Variants in TENM3 observed in about 807,000 individuals in gnomAD.
TENM3 encodes the protein teneurin transmembrane protein 3.
TENM3 carries 63 observed loss-of-function variants against 255.1 expected under a neutral mutation model. The ratio of observed to expected loss-of-function variants is 0.25; its 90% CI spans 0.20 to 0.30. The LOEUF (loss-of-function observed/expected upper bound fraction) is 0.30. Ranked by LOEUF, TENM3 falls within the 10% of genes least tolerant of loss-of-function variation. The probability of loss-of-function intolerance (pLI) is 1.00; values close to 1 mark genes in which losing one functional copy is unlikely to be tolerated. For synonymous variants in TENM3, 1,306 were observed against 1,322.3 expected (o/e 0.99, Z 0.27); for missense variants, 2,929 against 3,461.1 (o/e 0.85, Z 3.86).
chr4:181,625,105 C>T, the TENM3 span, among the ~76,000 whole-genome samples: 7 of 152,124 alleles, frequency 4.6e-5, no homozygotes, highest in Admixed American at 1.3e-4. Context: ...TCAAGGGTAG[C>T]GGAAATAGAC....
At chr4:181,804,702 T>C in the TENM3 span, among the ~76,000 whole-genome samples, 1 of 152,014 alleles carries the variant, frequency 6.6e-6, no homozygotes, top group Non-Finnish European at 1.5e-5. Context: ...AACTAAAACT[T>C]TGGGGCAAAA....
chr4:182,280,234 C>T (rs1346734347), intron 1 of TENM3, among the ~76,000 whole-genome samples: 2 of 152,160 alleles, frequency 1.3e-5, no homozygotes, highest in South Asian at 2.1e-4. Context: ...GTTTCCCCCA[C>T]GGGGTCTTGC....
intron 24 of TENM3, among the ~76,000 whole-genome samples, chr4:182,780,230 G>T (rs931781541): frequency 1.3e-5 from 2 of 148,984 alleles, no homozygotes; most frequent in Non-Finnish European, 3.0e-5. Context: ...ATTGATTTTT[G>T]TATAAGGTGT....
chr4:182,235,438 C>T (rs1756835551), intron 1 of TENM3, among the ~76,000 whole-genome samples: 1 of 152,184 alleles, frequency 6.6e-6, no homozygotes, highest in African/African-American at 2.4e-5. Flanking sequence ...TTAGTAAAGA[C>T]AGATGTTGTC....
At chr4:182,448,008 A>T (rs539239891) in intron 3 of TENM3, among the ~76,000 whole-genome samples, 2 of 152,366 alleles carry the variant, frequency 1.3e-5, no homozygotes, top group East Asian at 3.9e-4. Context: ...TGTTTTATTT[A>T]AAAGTAAAGC....
intron 4 of TENM3, among the ~76,000 whole-genome samples, chr4:182,607,213 C>T (rs1000111025): frequency 2.0e-5 from 3 of 152,152 alleles, no homozygotes; most frequent in Admixed American, 1.3e-4. Flanking sequence ...TACCTTTCAT[C>T]ATAAAGTAGC....
chr4:182,451,225 T>A (rs899909132), intron 3 of TENM3, among the ~76,000 whole-genome samples: 6 of 152,218 alleles, frequency 3.9e-5, no homozygotes, highest in Admixed American at 6.5e-5. Flanking sequence ...ATACTAAATT[T>A]TGGCTGTTGC....
chr4:182,755,003 A>G lies in TENM3; in HGVS notation c.4636A>G (p.Ser1546Gly). The change falls in exon 22 of 28, where the codon AGC becomes GGC. Residue 1546 changes from serine to glycine, a missense_variant. Ser to Gly is a moderately conservative substitution (Grantham distance 56). This residue lies in a region of TENM3 where 1,608 missense variants were observed against 1,884.4 expected (regional missense o/e 0.85). Coordinates refer to ENST00000511685, the MANE Select transcript of TENM3 (RefSeq NM_001080477.4). ...CACTGGTGATTACCTTTACAATTTT[A>G]GCTACAGCAATGACAATGATATTAC... ...LVTGDYLYNFSYSNDNDITAV... is the reference protein window; with the variant it reads ...LVTGDYLYNFGYSNDNDITAV... The G allele has an allele frequency of 6.2e-7, 1 of 1,614,032 alleles. No homozygotes were observed. The highest frequency in any genetic ancestry group is 8.5e-7 in the Non-Finnish European group (1 of 1,179,880).
chr4:181,462,481 C>T, the TENM3 span, among the ~76,000 whole-genome samples: 19 of 152,132 alleles, frequency 1.2e-4, no homozygotes, highest in African/African-American at 4.3e-4. Context: ...AATCTTAGTA[C>T]TCACTTCTTT....
At chr4:182,320,465 C>G (rs1046531470) in intron 1 of TENM3, among the ~76,000 whole-genome samples, 2 of 152,176 alleles carry the variant, frequency 1.3e-5, no homozygotes, top group African/African-American at 4.8e-5. Context: ...CTGTCTTCTC[C>G]TGGCCTTCTT....
intron 1 of TENM3, among the ~76,000 whole-genome samples, chr4:182,189,295 A>C (rs1308520690): frequency 1.3e-5 from 2 of 152,094 alleles, no homozygotes. Flanking sequence ...ATGATTGCTC[A>C]AATGTCACCA....
chr4:181,852,444 T>C, the TENM3 span, among the ~76,000 whole-genome samples: 3 of 152,214 alleles, frequency 2.0e-5, no homozygotes, highest in Non-Finnish European at 4.4e-5. Flanking sequence ...GGCTCACTTT[T>C]CCTATTTAAA....
chr4:182,091,390 G>T, the TENM3 span, among the ~76,000 whole-genome samples: 17 of 152,204 alleles, frequency 1.1e-4, 1 homozygote, highest in Admixed American at 6.5e-4. Context: ...AAATATCAGC[G>T]ATCACTGGAA....
At chr4:182,304,094 T>G (rs549342138) in intron 1 of TENM3, among the ~76,000 whole-genome samples, 35 of 151,846 alleles carry the variant, frequency 2.3e-4, no homozygotes, top group Non-Finnish European at 4.3e-4. Flanking sequence ...TAAAATAGAC[T>G]ATGAAGACTA....
chr4:181,813,043 G>A, the TENM3 span, among the ~76,000 whole-genome samples: 14 of 152,212 alleles, frequency 9.2e-5, no homozygotes, highest in Non-Finnish European at 5.9e-5. Context: ...AAATAGACTG[G>A]GTGGCTTACA....
the TENM3 span, among the ~76,000 whole-genome samples, chr4:181,607,903 T>G: frequency 1.1e-4 from 17 of 152,240 alleles, no homozygotes; most frequent in African/African-American, 3.6e-4. Context: ...TCAGGAATTT[T>G]CAAAGCCTTA....
chr4:181,731,318 T>C, the TENM3 span, among the ~76,000 whole-genome samples: 2 of 152,170 alleles, frequency 1.3e-5, no homozygotes, highest in Non-Finnish European at 2.9e-5. Flanking sequence ...TGCATGAGTA[T>C]ATTTTATAAA....
At chr4:182,168,555 C>A (rs1004779538) in intron 1 of TENM3, among the ~76,000 whole-genome samples, 5 of 152,200 alleles carry the variant, frequency 3.3e-5, no homozygotes, top group Admixed American at 6.5e-5. Flanking sequence ...GCTGCTGATA[C>A]TTCTATTAGC....
At chr4:182,311,746 G>A (rs1390024512) in intron 1 of TENM3, among the ~76,000 whole-genome samples, 2 of 152,280 alleles carry the variant, frequency 1.3e-5, no homozygotes, top group East Asian at 1.9e-4. Context: ...GAGCTTTTAT[G>A]TCCACTCTGA....
Sources: allele counts gnomAD v4.1 joint callset (sites outside exome capture counted in the v4.1 genomes callset), GRCh38; gene constraint gnomAD v4.1.1; regional missense constraint gnomAD v4.1.1; transcripts MANE v1.5; gene names NCBI Gene and HGNC (gene_info 2026-07-23, HGNC 2026-07-21).